The following PRRG1 variants were observed in gnomAD, a reference collection of about 807,000 sequenced individuals.
The protein encoded by PRRG1 is proline rich and Gla domain 1.
PRRG1 carries 5 observed loss-of-function variants against 11.8 expected under a neutral mutation model. That is an observed-to-expected ratio of 0.42 (90% CI 0.22 to 0.89). The LOEUF (loss-of-function observed/expected upper bound fraction) is 0.89, where lower values mean the gene tolerates loss of function less well. Among genes scored for constraint, PRRG1 ranks in the 40% least tolerant of loss-of-function variants. PRRG1 has a pLI of 0.28. For missense variants in PRRG1, 155 were observed against 166.1 expected (o/e 0.93, Z 0.37); for synonymous variants, 66 against 60.4 (o/e 1.09, Z -0.43).
chrX:37,382,254 G>A (rs1469977054), intron 1 of PRRG1, among the ~76,000 whole-genome samples: 1 of 111,029 alleles, frequency 9.0e-6, no homozygotes, highest in Non-Finnish European at 1.9e-5. Flanking sequence ...TAAATTAATT[G>A]ACACATGTGA....
At chrX:37,414,295 G>A (rs1173456506) in intron 2 of PRRG1, among the ~76,000 whole-genome samples, 1 of 111,512 alleles carries the variant, frequency 9.0e-6, no homozygotes, top group Non-Finnish European at 1.9e-5. Flanking sequence ...CCCACTCGGT[G>A]GTTTGTCTTT....
chrX:37,440,965 C>T (rs1240742572), intron 3 of PRRG1: 2 of 628,909 alleles, frequency 3.2e-6, no homozygotes, highest in African/African-American at 2.3e-5. Context: ...GACAAGGTCC[C>T]ACCATGTTGC....
At chrX:37,375,494 CAAAT>C (rs782001529) in intron 1 of PRRG1, among the ~76,000 whole-genome samples, 16 of 111,541 alleles carry the variant, frequency 1.4e-4, no homozygotes, top group Non-Finnish European at 2.3e-4. Flanking sequence ...CAAAATAACA[CAAAT>C]AAAAATTGCA....
intron 1 of PRRG1, among the ~76,000 whole-genome samples, chrX:37,350,338 A>T (rs552374605): frequency 1.8e-5 from 2 of 111,939 alleles, no homozygotes; most frequent in South Asian, 7.5e-4. Flanking sequence ...GTTGAGTGAC[A>T]AAACTTAGAG....
intron 1 of PRRG1, among the ~76,000 whole-genome samples, chrX:37,358,809 G>T (rs782743363): frequency 8.9e-6 from 1 of 111,868 alleles, no homozygotes; most frequent in South Asian, 3.7e-4. Context: ...AAGTTGGAAA[G>T]AACTGATATC....
intron 2 of PRRG1, among the ~76,000 whole-genome samples, chrX:37,417,549 T>C (rs1396723280): frequency 1.8e-5 from 2 of 111,954 alleles, no homozygotes; most frequent in African/African-American, 3.2e-5. Flanking sequence ...TGTACATATT[T>C]CCACCTTCCT....
chrX:37,383,662 A>G (rs1556374315), intron 1 of PRRG1, among the ~76,000 whole-genome samples: 1 of 111,387 alleles, frequency 9.0e-6, no homozygotes, highest in East Asian at 2.8e-4. Context: ...AAATGTGAGA[A>G]CCTATTTCTC....
Position 37,428,788 on chromosome X carries a change from C to T in PRRG1, c.171+2788C>T, listed in dbSNP as rs782677303. 8.9e-5 allele frequency among the ~76,000 whole-genome samples: 10 copies of T among 112,878 alleles called. No individual in the cohort carries two copies. The East Asian group carries it at 2.0e-3, about 22-fold the overall frequency. On this transcript the variant is annotated intron_variant, in intron 3 of 3. Transcript: ENST00000378628. ...GGGGCTCTGACCCCACATTTCTCTT[C>T]TGCACTGCGATAGCAGAGGTTCTCC... is the stretch of plus-strand genomic sequence containing the variant.
chrX:37,372,832 G>A lies in PRRG1; in HGVS notation c.-42+23437G>A, dbSNP rs142685397. Reference sequence around the variant, plus strand: ...ATTTGTCTATTTTTGTGCTTTTGTTGCCTGTTCTTTTGGTATCATATTCAA... The same window carrying A: ...ATTTGTCTATTTTTGTGCTTTTGTTACCTGTTCTTTTGGTATCATATTCAA... On this transcript the variant is annotated intron_variant, in intron 1 of 3. Transcript: ENST00000378628. 7.6e-3 allele frequency among the ~76,000 whole-genome samples: 848 copies of A among 112,251 alleles called. 2 individuals carry two copies. The highest frequency in any genetic ancestry group is 0.012 in the Non-Finnish European group (662 of 53,234).
At chrX:37,418,050 A>T (rs782710365) in intron 2 of PRRG1, among the ~76,000 whole-genome samples, 2 of 112,325 alleles carry the variant, frequency 1.8e-5, no homozygotes, top group East Asian at 5.5e-4. Flanking sequence ...TACTTAAGAA[A>T]TCATATCCAA....
At chrX:37,384,310 A>G (rs1216270653) in intron 1 of PRRG1, among the ~76,000 whole-genome samples, 3 of 111,619 alleles carry the variant, frequency 2.7e-5, no homozygotes, top group African/African-American at 9.8e-5. Context: ...ACAGTGGCTA[A>G]GGCTAACATA....
intron 1 of PRRG1, among the ~76,000 whole-genome samples, chrX:37,363,963 A>G (rs183193744): frequency 5.4e-5 from 6 of 111,907 alleles, no homozygotes; most frequent in African/African-American, 1.6e-4. Flanking sequence ...CTAAAACAGA[A>G]CTTCTCCCCC....
At chrX:37,442,069 A>G in intron 3 of PRRG1, 4 of 768,581 alleles carry the variant, frequency 5.2e-6, no homozygotes, top group Non-Finnish European at 6.2e-6. Context: ...CGAGGAAGAC[A>G]CCTGAGCCAA....
At chrX:37,391,838 A>G (rs1351302719) in intron 1 of PRRG1, among the ~76,000 whole-genome samples, 1 of 112,397 alleles carries the variant, frequency 8.9e-6, no homozygotes, top group African/African-American at 3.2e-5. Flanking sequence ...TGGTTGTACC[A>G]TTATCTTTAA....
At chrX:37,363,370 T>A (rs1299356205) in intron 1 of PRRG1, among the ~76,000 whole-genome samples, 3 of 112,407 alleles carry the variant, frequency 2.7e-5, no homozygotes, top group Non-Finnish European at 5.6e-5. Context: ...TTACTATGCA[T>A]GCATTTCATG....
intron 1 of PRRG1, among the ~76,000 whole-genome samples, chrX:37,352,026 C>T (rs1229412244): frequency 1.8e-5 from 2 of 112,627 alleles, no homozygotes; most frequent in African/African-American, 6.5e-5. Flanking sequence ...TTTGACATCT[C>T]TCTTAACTCC....
chrX:37,443,555 A>G (rs886069651), intron 3 of PRRG1, among the ~76,000 whole-genome samples: 1 of 111,594 alleles, frequency 9.0e-6, no homozygotes, highest in Non-Finnish European at 1.9e-5. Flanking sequence ...TATAGTTGAG[A>G]TGTTTGAACA....
chrX:37,373,436 T>C (rs1930832266), intron 1 of PRRG1, among the ~76,000 whole-genome samples: 1 of 112,228 alleles, frequency 8.9e-6, no homozygotes, highest in Non-Finnish European at 1.9e-5. Context: ...AAATAGTGTG[T>C]CTTTCCATTT....
At chrX:37,361,291 G>C (rs1016834802) in intron 1 of PRRG1, among the ~76,000 whole-genome samples, 1 of 108,609 alleles carries the variant, frequency 9.2e-6, no homozygotes, top group Non-Finnish European at 1.9e-5. Flanking sequence ...GCAGTGAGCC[G>C]AGATGGTGCC....
Sources: gnomAD v4.1 joint callset for allele counts (sites outside exome capture counted in the v4.1 genomes callset) on GRCh38, gnomAD v4.1.1 for gene constraint, MANE v1.5 for transcripts, NCBI Gene and HGNC (gene_info 2026-07-23, HGNC 2026-07-21) for gene names.